STXBP5L: variants seen among roughly 807,000 people sequenced by gnomAD.
STXBP5L encodes the protein syntaxin-binding protein 5-like.
STXBP5L carries 65 observed loss-of-function variants against 144.5 expected under a neutral mutation model. The observed-to-expected ratio is 0.45, with a 90% confidence interval of 0.37 to 0.55. The LOEUF (loss-of-function observed/expected upper bound fraction) is 0.55, where lower values mean the gene tolerates loss of function less well. Ranked by LOEUF, STXBP5L falls within the 20% of genes least tolerant of loss-of-function variation. The pLI is 0.00. For synonymous variants in STXBP5L, 505 were observed against 469.6 expected (o/e 1.08, Z -0.97); for missense variants, 1,298 against 1,405.5 (o/e 0.92, Z 1.22).
intron 3 of STXBP5L, among the ~76,000 whole-genome samples, chr3:121,021,294 G>T (rs555814136): frequency 6.6e-6 from 1 of 152,126 alleles, no homozygotes; most frequent in African/African-American, 2.4e-5. Flanking sequence ...TAAGCAATGA[G>T]ATAGACAGCA....
rs2047355991 is a variant in STXBP5L, at chr3:121,421,677, T to C, written c.*2580T>C. ...AATAAGATACAATTTTGAAGAAAGC[T>C]TATAGGAATCAGTGAAAAATAACAA... On this transcript the variant is annotated 3_prime_UTR_variant, in exon 27 of 27. Coordinates refer to ENST00000471454, the MANE Select transcript of STXBP5L (RefSeq NM_001308330.2). 6.6e-6 allele frequency: 1 copy of C among 152,156 alleles called. No individual in the cohort carries two copies. Among genetic ancestry groups the C allele is most frequent in the Admixed American group, 6.6e-5 (1 of 15,258 alleles). 9.4% of individuals were successfully genotyped at this position (152,156 alleles called of 1,614,324 possible).
At chr3:120,997,035 G>A (rs1262242208) in intron 3 of STXBP5L, among the ~76,000 whole-genome samples, 4 of 152,108 alleles carry the variant, frequency 2.6e-5, no homozygotes, top group Non-Finnish European at 5.9e-5. Context: ...TTATGTAAGT[G>A]AGAACATGCA....
intron 20 of STXBP5L, among the ~76,000 whole-genome samples, chr3:121,348,031 G>T (rs1474656477): frequency 2.0e-5 from 3 of 152,134 alleles, no homozygotes. Context: ...TCCCTGTCTT[G>T]TACCAGTTTT....
At chr3:121,193,797 G>A (rs1559849684) in intron 9 of STXBP5L, among the ~76,000 whole-genome samples, 1 of 152,100 alleles carries the variant, frequency 6.6e-6, no homozygotes. Context: ...CACAGGACAG[G>A]GAACATCATG....
rs1252313038 is a variant in STXBP5L, at chr3:121,420,434, T to G, written c.*1337T>G. On this transcript the variant is annotated 3_prime_UTR_variant, in exon 27 of 27. Transcript: ENST00000471454. ...AAATAATATAAGCCACTAGATTATGTCAATAGATGCCAAACACTTGTCCCT... is the reference window on the plus strand; with the variant it reads ...AAATAATATAAGCCACTAGATTATGGCAATAGATGCCAAACACTTGTCCCT... The G allele has an allele frequency of 6.6e-6, 1 of 152,136 alleles. No homozygotes were observed. The highest frequency in any genetic ancestry group is 1.5e-5 in the Non-Finnish European group (1 of 67,988). The allele number at this position is 152,136 out of a possible 1,614,324, so 9.4% of individuals were successfully genotyped here.
intron 22 of STXBP5L, among the ~76,000 whole-genome samples, chr3:121,396,487 A>G (rs1194021678): frequency 6.6e-6 from 1 of 152,226 alleles, no homozygotes; most frequent in African/African-American, 2.4e-5. Context: ...ATGTAGCCCA[A>G]AGTGAAAAAA....
chr3:121,418,761 C>T (rs1039411293), intron 26 of STXBP5L, among the ~76,000 whole-genome samples: 1 of 123,856 alleles, frequency 8.1e-6, no homozygotes, highest in Non-Finnish European at 1.8e-5. Flanking sequence ...TGTATCGATA[C>T]TTCTTTACCT....
At position 121,396,836 on chromosome 3, in the gene STXBP5L, A is replaced by G. The variant is rs188106620; in HGVS notation, c.2588-10407A>G. ...ATATGAGCCCTAATGTGAGTGATGT[A>G]AAAAGGGTGCATTCTACTTCTAACT... On this transcript the variant is annotated intron_variant, in intron 22 of 26. Coordinates refer to ENST00000471454, the MANE Select transcript of STXBP5L (RefSeq NM_001308330.2). 2.6e-5 allele frequency among the ~76,000 whole-genome samples: 4 copies of G among 152,364 alleles called. No homozygotes were observed. The East Asian group carries it at 7.7e-4, about 29-fold the overall frequency.
chr3:121,058,892 T>C (rs1428934070), intron 5 of STXBP5L, among the ~76,000 whole-genome samples: 3 of 152,222 alleles, frequency 2.0e-5, no homozygotes, highest in African/African-American at 4.8e-5. Flanking sequence ...AATGGATAGA[T>C]TGCAAAAAAT....
intron 9 of STXBP5L, among the ~76,000 whole-genome samples, chr3:121,175,470 AACAC>A (rs1201389022): frequency 8.5e-5 from 13 of 152,166 alleles, no homozygotes; most frequent in Non-Finnish European, 1.0e-4. Flanking sequence ...TGACAAGGCA[AACAC>A]ACACAGTCTC....
At chr3:120,977,208 G>A (rs1294566665) in intron 3 of STXBP5L, among the ~76,000 whole-genome samples, 1 of 152,184 alleles carries the variant, frequency 6.6e-6, no homozygotes, top group South Asian at 2.1e-4. Context: ...GTAAGGACTT[G>A]CTTCATGAAT....
intron 10 of STXBP5L, among the ~76,000 whole-genome samples, chr3:121,212,715 A>G (rs2108261175): frequency 6.6e-6 from 1 of 152,208 alleles, no homozygotes; most frequent in South Asian, 2.1e-4. Context: ...TTGCTTCCAT[A>G]TGAAATTTAA....
intron 3 of STXBP5L, among the ~76,000 whole-genome samples, chr3:120,994,398 C>T (rs149030986): frequency 6.6e-6 from 1 of 152,164 alleles, no homozygotes; most frequent in Admixed American, 6.6e-5. Flanking sequence ...AGCATTTCCA[C>T]ATTCAGTATG....
intron 2 of STXBP5L, among the ~76,000 whole-genome samples, chr3:120,948,366 A>G (rs1710988262): frequency 1.3e-5 from 2 of 151,660 alleles, no homozygotes; most frequent in South Asian, 4.1e-4. Flanking sequence ...TTTTTCAGAT[A>G]TTTGATTTGC....
At chr3:121,154,190 C>A (rs181959599) in intron 8 of STXBP5L, among the ~76,000 whole-genome samples, 30 of 151,874 alleles carry the variant, frequency 2.0e-4, no homozygotes, top group Admixed American at 6.6e-4. Context: ...TTATTGACAT[C>A]TGATATATGT....
At chr3:121,081,239 T>A (rs370524358) in intron 5 of STXBP5L, among the ~76,000 whole-genome samples, 53 of 152,262 alleles carry the variant, frequency 3.5e-4, no homozygotes, top group African/African-American at 1.2e-3. Context: ...CTCTGGAAAA[T>A]TTTTTATCCA....
intron 3 of STXBP5L, among the ~76,000 whole-genome samples, chr3:121,008,155 C>T (rs760104505): frequency 1.3e-5 from 2 of 151,908 alleles, no homozygotes; most frequent in Non-Finnish European, 2.9e-5. Flanking sequence ...TCTCCATTTG[C>T]TTATAAGTGA....
chr3:120,957,209 T>C (rs1481405864), intron 3 of STXBP5L, among the ~76,000 whole-genome samples: 2 of 151,996 alleles, frequency 1.3e-5, no homozygotes, highest in African/African-American at 4.8e-5. Context: ...TACTACACTG[T>C]TTTTATTTAC....
At chr3:121,162,639 C>A (rs997661243) in intron 9 of STXBP5L, among the ~76,000 whole-genome samples, 18 of 152,162 alleles carry the variant, frequency 1.2e-4, no homozygotes, top group Non-Finnish European at 2.4e-4. Flanking sequence ...AGGCAACCCA[C>A]AGAATGGGAG....
Sources: gnomAD v4.1 joint callset for allele counts (sites outside exome capture counted in the v4.1 genomes callset) on GRCh38, gnomAD v4.1.1 for gene constraint, MANE v1.5 for transcripts, NCBI Gene and HGNC (gene_info 2026-07-23, HGNC 2026-07-21) for gene names.